Variants in SRBD1 observed in about 807,000 individuals in gnomAD.
SRBD1 encodes the protein S1 RNA binding domain 1.
A neutral mutation model predicts 115.3 loss-of-function variants in SRBD1; 88 were observed. That is an observed-to-expected ratio of 0.76 (90% CI 0.64 to 0.91). The LOEUF is 0.91. SRBD1 is among the 40% of genes least tolerant of loss of function. The probability of loss-of-function intolerance (pLI) is 0.00; values close to 1 mark genes in which losing one functional copy is unlikely to be tolerated. For synonymous variants in SRBD1, 509 were observed against 407.7 expected (o/e 1.25, Z -2.99); for missense variants, 1,385 against 1,177.4 (o/e 1.18, Z -2.58).
At position 45,585,743 on chromosome 2, in the gene SRBD1, C is replaced by G. The variant is rs373996386; in HGVS notation, c.680G>C (p.Trp227Ser). ...VLSERTNIEP[W>S]VCANIIRLFN... ...GAGACGAATGATGTTGGCACAAACC[C>G]AAGGTTCAATATTAGTTCTCTCAGA... The change falls in exon 5 of 21, where the codon TGG becomes TCG. Residue 227 changes from tryptophan (W) to serine (S), a missense_variant. Trp to Ser is a radical substitution (Grantham distance 177). Coordinates refer to ENST00000263736, the MANE Select transcript of SRBD1 (RefSeq NM_018079.5). 1 of 1,608,362 alleles carries G rather than the reference C, an allele frequency of 6.2e-7. No homozygotes were observed. Among genetic ancestry groups the G allele is most frequent in the Non-Finnish European group, 8.5e-7 (1 of 1,178,642 alleles).
chr2:45,420,588 T>C (rs1367728456), intron 16 of SRBD1, among the ~76,000 whole-genome samples: 1 of 152,234 alleles, frequency 6.6e-6, no homozygotes, highest in Non-Finnish European at 1.5e-5. Context: ...CCATATATCA[T>C]GTACAAATAA....
chr2:45,441,570 T>A (rs1199322472), intron 16 of SRBD1, among the ~76,000 whole-genome samples: 1 of 152,228 alleles, frequency 6.6e-6, no homozygotes, highest in East Asian at 1.9e-4. Context: ...GTATTCCCAC[T>A]TCTTAACACC....
chr2:45,474,767 G>A (rs1393827557), intron 16 of SRBD1, among the ~76,000 whole-genome samples: 9 of 152,176 alleles, frequency 5.9e-5, no homozygotes, highest in Admixed American at 5.9e-4. Context: ...CTTAGTATCT[G>A]TCAGGAATTC....
chr2:45,404,116 G>C (rs571579083), intron 19 of SRBD1, among the ~76,000 whole-genome samples: 1 of 152,134 alleles, frequency 6.6e-6, no homozygotes. Context: ...CAAGGAGAAA[G>C]ATCTCATTTC....
At chr2:45,537,230 T>G (rs1671789406) in intron 14 of SRBD1, among the ~76,000 whole-genome samples, 1 of 152,218 alleles carries the variant, frequency 6.6e-6, no homozygotes, top group South Asian at 2.1e-4. Flanking sequence ...CACTGGAGTC[T>G]TCTTAAAATG....
chr2:45,536,014 G>C (rs1351530814), intron 14 of SRBD1, among the ~76,000 whole-genome samples: 1 of 151,906 alleles, frequency 6.6e-6, no homozygotes, highest in Admixed American at 6.6e-5. Context: ...ATATGTCCTT[G>C]TAAAATCCAC....
At chr2:45,575,102 C>T (rs7589973) in intron 7 of SRBD1, among the ~76,000 whole-genome samples, 17,806 of 152,124 alleles carry the variant, frequency 0.12, 2,264 homozygotes, top group African/African-American at 0.32. Flanking sequence ...ATTACAAATA[C>T]TAAAGATGTT....
At chr2:45,595,586 C>A (rs1462831360) in intron 4 of SRBD1, among the ~76,000 whole-genome samples, 3 of 152,202 alleles carry the variant, frequency 2.0e-5, no homozygotes, top group Non-Finnish European at 4.4e-5. Flanking sequence ...TCAGTTCCCT[C>A]TTTTTCCAAC....
chr2:45,545,854 GC>G (rs1442401810), intron 14 of SRBD1, among the ~76,000 whole-genome samples: 2 of 152,104 alleles, frequency 1.3e-5, no homozygotes, highest in Non-Finnish European at 2.9e-5. Context: ...TAACTGCCTG[GC>G]CTTTACCTTT....
At chr2:45,538,041 C>T (rs370439432) in intron 14 of SRBD1, among the ~76,000 whole-genome samples, 1 of 152,142 alleles carries the variant, frequency 6.6e-6, no homozygotes, top group East Asian at 1.9e-4. Context: ...GTATGGTAGG[C>T]TTTCAACAGA....
At chr2:45,603,641 C>T (rs574980776) in intron 2 of SRBD1, among the ~76,000 whole-genome samples, 23 of 152,192 alleles carry the variant, frequency 1.5e-4, no homozygotes, top group Admixed American at 1.4e-3. Context: ...GTGATTCTCA[C>T]GTCTCAGTCC....
chr2:45,475,560 T>C (rs1431250410), intron 16 of SRBD1, among the ~76,000 whole-genome samples: 1 of 152,212 alleles, frequency 6.6e-6, no homozygotes, highest in Non-Finnish European at 1.5e-5. Flanking sequence ...TTGAAGTCAA[T>C]AGCTTATTAG....
intron 14 of SRBD1, among the ~76,000 whole-genome samples, chr2:45,509,976 C>A (rs1253283375): frequency 1.3e-5 from 2 of 152,214 alleles, no homozygotes; most frequent in Middle Eastern, 3.2e-3. Context: ...CTCAAGTGAT[C>A]CTCTCACCTT....
intron 15 of SRBD1, 110 bp from the exon 16 acceptor site, chr2:45,477,185 T>C: frequency 1.2e-6 from 1 of 801,664 alleles, no homozygotes; most frequent in Non-Finnish European, 2.0e-6. Context: ...TCCCTCCTCA[T>C]CATCCCTCTA....
chr2:45,539,392 C>T (rs760019427), intron 14 of SRBD1, among the ~76,000 whole-genome samples: 1 of 152,088 alleles, frequency 6.6e-6, no homozygotes, highest in African/African-American at 2.4e-5. Context: ...AACCCAGGAT[C>T]CACCTAAGAT....
In SRBD1 at chr2:45,401,092, T is replaced by C. The variant is rs1667280664; in HGVS notation, c.2514-7963A>G. On this transcript the variant is annotated intron_variant, in intron 19 of 20. Transcript: ENST00000263736. ...ACTTTTCTCATTTGTAAGGGCACTT[T>C]TGAAAATATGAATGTTACTTCTTGG... Among the ~76,000 whole-genome samples the C allele has an allele frequency of 1.3e-5, 2 of 152,160 alleles. 1 individual carries two copies. Among genetic ancestry groups the C allele is most frequent in the South Asian group, 4.1e-4 (2 of 4,832 alleles).
At chr2:45,441,348 G>C (rs1476490446) in intron 16 of SRBD1, among the ~76,000 whole-genome samples, 2 of 152,158 alleles carry the variant, frequency 1.3e-5, no homozygotes, top group African/African-American at 4.8e-5. Flanking sequence ...CTCCCATACT[G>C]TTCCTATCCC....
chr2:45,443,022 G>T (rs1668717422), intron 16 of SRBD1, among the ~76,000 whole-genome samples: 1 of 152,186 alleles, frequency 6.6e-6, no homozygotes, highest in Non-Finnish European at 1.5e-5. Flanking sequence ...ACCAAAAAAA[G>T]GGGAAAGTAC....
intron 14 of SRBD1, among the ~76,000 whole-genome samples, chr2:45,523,275 GAAAAAA>G (rs61024871): frequency 1.2e-5 from 1 of 86,570 alleles, no homozygotes; most frequent in Non-Finnish European, 2.5e-5. Context: ...CAAAACGCTG[GAAAAAA>G]AAAAAAAAAA....
Sources: gnomAD v4.1 joint callset for allele counts (sites outside exome capture counted in the v4.1 genomes callset) on GRCh38, gnomAD v4.1.1 for gene constraint, MANE v1.5 for transcripts, NCBI Gene and HGNC (gene_info 2026-07-23, HGNC 2026-07-21) for gene names.